SH3BP4: variants seen among roughly 807,000 people sequenced by gnomAD.
The protein encoded by SH3BP4 is SH3 domain binding protein 4.
SH3BP4 carries 33 observed loss-of-function variants against 65.5 expected under a neutral mutation model. The observed-to-expected ratio is 0.50, with a 90% CI of 0.38 to 0.67. The LOEUF is 0.67. Among genes scored for constraint, SH3BP4 ranks in the 30% least tolerant of loss-of-function variants. The pLI is 0.00. For synonymous variants in SH3BP4, 552 were observed against 545.5 expected (o/e 1.01, Z -0.17); for missense variants, 1,134 against 1,261.4 (o/e 0.90, Z 1.53).
intron 1 of SH3BP4, among the ~76,000 whole-genome samples, chr2:234,980,513 T>C (rs1693344041): frequency 6.6e-6 from 1 of 152,210 alleles, no homozygotes; most frequent in Non-Finnish European, 1.5e-5. Flanking sequence ...TAATTATTCT[T>C]TCTGCTCCTA....
At chr2:234,955,522 G>A (rs1692567029) in intron 1 of SH3BP4, among the ~76,000 whole-genome samples, 1 of 152,074 alleles carries the variant, frequency 6.6e-6, no homozygotes, top group African/African-American at 2.4e-5. Flanking sequence ...CCGTGACCTC[G>A]CTAAAGGGAA....
intron 2 of SH3BP4, among the ~76,000 whole-genome samples, chr2:235,019,857 ATACTC>A (rs1380510307): frequency 4.1e-5 from 6 of 145,656 alleles, no homozygotes; most frequent in African/African-American, 1.6e-4. Context: ...TTCCCAAACT[ATACTC>A]TAAAGATTCT....
At position 235,042,559 on chromosome 2, in the gene SH3BP4, A is replaced by G; in HGVS notation, c.1790A>G (p.Gln597Arg). ...CTGCGGGTTCAGGTGAAGGACGACC[A>G]GGAGGCCATCCTCACCCAGTTTTGT... The part of the protein sequence containing the change: ...FTLRVQVKDD[Q>R]EAILTQFCVQ... Residue 597 changes from glutamine to arginine, a missense_variant, in exon 4 of 6, where the codon CAG becomes CGG. Transcript: ENST00000392011. The surrounding 1 kb of genome is among the most constrained non-coding windows in gnomAD (Gnocchi z 7.3). The G allele has an allele frequency of 1.9e-6, 3 of 1,614,150 alleles. No homozygotes were observed. The highest frequency in any genetic ancestry group is 1.7e-6 in the Non-Finnish European group (2 of 1,180,038).
intron 1 of SH3BP4, among the ~76,000 whole-genome samples, chr2:234,954,830 C>T (rs534952583): frequency 6.6e-6 from 1 of 152,060 alleles, no homozygotes; most frequent in South Asian, 2.1e-4. Flanking sequence ...CTTTCTTTTC[C>T]TGGGGAGCTT....
chr2:234,987,418 C>T (rs372238867), intron 1 of SH3BP4, among the ~76,000 whole-genome samples: 12 of 151,960 alleles, frequency 7.9e-5, no homozygotes, highest in African/African-American at 2.4e-4. Flanking sequence ...ACTTGATGTA[C>T]GTTAGAGCCC....
chr2:235,039,019 C>T (rs1177289786), intron 3 of SH3BP4, among the ~76,000 whole-genome samples: 1 of 152,140 alleles, frequency 6.6e-6, no homozygotes, highest in Non-Finnish European at 1.5e-5. Flanking sequence ...TACGTCTTTG[C>T]ATTTTGTCCT....
At chr2:235,048,129 G>C (rs1279566872) in intron 4 of SH3BP4, among the ~76,000 whole-genome samples, 1 of 152,144 alleles carries the variant, frequency 6.6e-6, no homozygotes, top group African/African-American at 2.4e-5. Context: ...ATGGGGTCCT[G>C]AGGGATTCCT....
At chr2:234,970,046 C>T (rs1692946660) in intron 1 of SH3BP4, among the ~76,000 whole-genome samples, 1 of 135,582 alleles carries the variant, frequency 7.4e-6, no homozygotes, top group Middle Eastern at 3.6e-3. Flanking sequence ...AATACACTTA[C>T]TCACACACAC....
At chr2:234,960,654 C>T (rs1258513586) in intron 1 of SH3BP4, among the ~76,000 whole-genome samples, 1 of 152,140 alleles carries the variant, frequency 6.6e-6, no homozygotes. Context: ...GGGCCACGTG[C>T]GCACACACTT....
At chr2:234,989,158 G>C (rs1693674067) in intron 1 of SH3BP4, among the ~76,000 whole-genome samples, 1 of 152,180 alleles carries the variant, frequency 6.6e-6, no homozygotes, top group African/African-American at 2.4e-5. Flanking sequence ...AAAACCTGGG[G>C]TTGGGTCCAT....
At chr2:235,018,868 A>C (rs1694765854) in intron 2 of SH3BP4, among the ~76,000 whole-genome samples, 1 of 152,222 alleles carries the variant, frequency 6.6e-6, no homozygotes, top group Non-Finnish European at 1.5e-5. Flanking sequence ...TGATTGAGGT[A>C]AGTCATGTGC....
At chr2:234,985,766 A>G (rs753522714) in intron 1 of SH3BP4, among the ~76,000 whole-genome samples, 1 of 152,082 alleles carries the variant, frequency 6.6e-6, no homozygotes, top group Non-Finnish European at 1.5e-5. Flanking sequence ...ACACACGCCT[A>G]CGAGCTCAAG....
In SH3BP4 at chr2:235,045,993, G is replaced by T. The variant is rs73995758; in HGVS notation, c.2478+2746G>T. 0.011 allele frequency among the ~76,000 whole-genome samples: 1,630 copies of T among 152,272 alleles called. 25 individuals carry two copies. The highest frequency in any genetic ancestry group is 0.038 in the African/African-American group (1,561 of 41,542). On this transcript the variant is annotated intron_variant, in intron 4 of 5. Transcript: ENST00000392011. The surrounding 1 kb of genome is among the most constrained non-coding windows in gnomAD (Gnocchi z 4.3). Reference sequence around the variant, plus strand: ...CTCTCTCCACTGCCTTTAGAACGGGGTCAGCCTTTGCCCCTGCCCCACAAA... The same window carrying T: ...CTCTCTCCACTGCCTTTAGAACGGGTTCAGCCTTTGCCCCTGCCCCACAAA...
chr2:235,001,843 G>T (rs1015428484), intron 2 of SH3BP4, among the ~76,000 whole-genome samples: 1 of 152,116 alleles, frequency 6.6e-6, no homozygotes, highest in Non-Finnish European at 1.5e-5. Context: ...CTCAAAGGAG[G>T]GTGAGGTGTT....
At chr2:234,962,236 A>T (rs907488069) in intron 1 of SH3BP4, among the ~76,000 whole-genome samples, 1 of 152,126 alleles carries the variant, frequency 6.6e-6, no homozygotes, top group Non-Finnish European at 1.5e-5. Context: ...TCCCAGGTTC[A>T]AGTGATTCTT....
At chr2:234,996,471 T>C (rs1234000299) in intron 2 of SH3BP4, among the ~76,000 whole-genome samples, 1 of 152,192 alleles carries the variant, frequency 6.6e-6, no homozygotes, top group Non-Finnish European at 1.5e-5. Context: ...GGGCTTTTCA[T>C]AGTGACGTGA....
In SH3BP4 at chr2:235,030,751, C is replaced by G. The variant is rs888041238; in HGVS notation, c.-132-4120C>G. The stretch of plus-strand genomic sequence containing the variant: ...GGGATGCTGGCTGCATTCTCCATCC[C>G]GTGCCAGCCCCCTGTAGATGCAGTG... On this transcript the variant is annotated intron_variant, in intron 2 of 5. Coordinates refer to ENST00000392011, the MANE Select transcript of SH3BP4 (RefSeq NM_014521.3). The surrounding 1 kb of genome is among the most constrained non-coding windows in gnomAD (Gnocchi z 4.1). Among the ~76,000 whole-genome samples the G allele has an allele frequency of 6.6e-6, 1 of 152,124 alleles. No homozygotes were observed.
At chr2:234,958,428 G>C (rs910407727) in intron 1 of SH3BP4, among the ~76,000 whole-genome samples, 1 of 152,060 alleles carries the variant, frequency 6.6e-6, no homozygotes, top group Non-Finnish European at 1.5e-5. Flanking sequence ...TCGCCCTGGG[G>C]GGGTGTCTGG....
Position 235,042,723 on chromosome 2 carries a change from C to T in SH3BP4, c.1954C>T (p.Pro652Ser). Reference protein sequence around the residue: ...TTKYPTFQDRPVSSLKFGKLL... With the variant: ...TTKYPTFQDRSVSSLKFGKLL... ...AAAGTACCCGACTTTCCAGGACCGC[C>T]CGGTGTCCAGCCTCAAGTTTGGTAA... is the stretch of plus-strand genomic sequence containing the variant. Residue 652 changes from proline to serine, a missense_variant, in exon 4 of 6, where the codon CCG becomes TCG. By Grantham distance (74) the Pro-to-Ser change is moderately conservative (BLOSUM62 -1). Coordinates refer to ENST00000392011, the MANE Select transcript of SH3BP4 (RefSeq NM_014521.3). This position sits in a 1 kb window ranked among gnomAD's most constrained non-coding sequence, Gnocchi z 7.3. The T allele has an allele frequency of 9.9e-6, 16 of 1,614,190 alleles. No individual in the cohort carries two copies. Among genetic ancestry groups the T allele is most frequent in the Non-Finnish European group, 1.3e-5 (15 of 1,180,040 alleles).
Sources: allele counts gnomAD v4.1 joint callset (sites outside exome capture counted in the v4.1 genomes callset), GRCh38; gene constraint gnomAD v4.1.1; non-coding constraint Gnocchi (gnomAD v3.1); transcripts MANE v1.5; gene names NCBI Gene and HGNC (gene_info 2026-07-23, HGNC 2026-07-21).